PLAAT1: variants seen among roughly 807,000 people sequenced by gnomAD.
PLAAT1 encodes the protein phospholipase A and acyltransferase 1.
Under a neutral mutation model 16.4 loss-of-function variants are expected in PLAAT1, and 13 were observed. The observed-to-expected ratio is 0.79, with a 90% CI of 0.52 to 1.26. The LOEUF is 1.26. PLAAT1 is among the 50% of genes most tolerant of loss of function. PLAAT1 has a pLI of 0.00. For missense variants in PLAAT1, 218 were observed against 207.8 expected, an observed-to-expected ratio of 1.05 and a Z score of -0.30; for synonymous variants, 73 against 78.4, an observed-to-expected ratio of 0.93 and a Z score of 0.36.
upstream of PLAAT1, chr3:193,241,076 C>T: frequency 1.6e-6 from 1 of 610,538 alleles, no homozygotes; most frequent in Non-Finnish European, 2.3e-6. Flanking sequence ...TGCGTGCGCG[C>T]GCGGAGGCGG....
chr3:193,273,187 A>T (rs1424734605), downstream of PLAAT1, among the ~76,000 whole-genome samples: 1 of 152,208 alleles, frequency 6.6e-6, no homozygotes, highest in Non-Finnish European at 1.5e-5. Context: ...TTTCATTCTA[A>T]AAGTCAAATT....
At chr3:193,268,183 G>T (rs1456650351) in intron 3 of PLAAT1, among the ~76,000 whole-genome samples, 1 of 151,960 alleles carries the variant, frequency 6.6e-6, no homozygotes, top group African/African-American at 2.4e-5. Flanking sequence ...TACTCTCATA[G>T]ACCAAATTAT....
chr3:193,241,186 GCCCCGC>G (rs2108772055), upstream of PLAAT1: 1 of 1,218,988 alleles, frequency 8.2e-7, no homozygotes, highest in East Asian at 3.3e-5. Flanking sequence ...GAGCGACTGT[GCCCCGC>G]CTCCTGGGCG....
At chr3:193,242,579 G>A (rs1437249249) in intron 1 of PLAAT1, among the ~76,000 whole-genome samples, 1 of 152,194 alleles carries the variant, frequency 6.6e-6, no homozygotes, top group East Asian at 1.9e-4. Flanking sequence ...AAGGATGCCA[G>A]GATTCTAGGG....
intron 3 of PLAAT1, among the ~76,000 whole-genome samples, chr3:193,267,861 GC>G (rs1716833863): frequency 6.6e-6 from 1 of 152,130 alleles, no homozygotes; most frequent in East Asian, 1.9e-4. Context: ...CCACATCCTT[GC>G]CAGCATTTGA....
intron 3 of PLAAT1, among the ~76,000 whole-genome samples, chr3:193,265,258 G>A (rs1716738589): frequency 6.6e-6 from 1 of 152,126 alleles, no homozygotes; most frequent in African/African-American, 2.4e-5. Flanking sequence ...ATGGGCAATG[G>A]ATAGACAAAA....
chr3:193,256,556 A>G (rs1189098692), intron 2 of PLAAT1, among the ~76,000 whole-genome samples: 1 of 152,220 alleles, frequency 6.6e-6, no homozygotes, highest in African/African-American at 2.4e-5. Flanking sequence ...AAAAATTTCA[A>G]CTTTCTGGCC....
intron 1 of PLAAT1, among the ~76,000 whole-genome samples, chr3:193,251,104 A>G (rs533449987): frequency 6.6e-6 from 1 of 152,260 alleles, no homozygotes; most frequent in South Asian, 2.1e-4. Flanking sequence ...CACAGAAGCA[A>G]GCCAGGGAAA....
At chr3:193,262,276 C>T (rs762971173) in intron 2 of PLAAT1, among the ~76,000 whole-genome samples, 1 of 151,342 alleles carries the variant, frequency 6.6e-6, no homozygotes, top group Non-Finnish European at 1.5e-5. Flanking sequence ...GGGTAGGTCA[C>T]TGCCTGGGGC....
At chr3:193,252,843 C>T (rs1716240974) in intron 1 of PLAAT1, among the ~76,000 whole-genome samples, 1 of 152,030 alleles carries the variant, frequency 6.6e-6, no homozygotes, top group African/African-American at 2.4e-5. Context: ...GTTAAACTAC[C>T]TGCCTGGTTT....
intron 2 of PLAAT1, 62 bp from the exon 3 acceptor site, chr3:193,262,908 A>G (rs902764849): frequency 2.0e-6 from 3 of 1,528,014 alleles, no homozygotes; most frequent in African/African-American, 1.4e-5. Flanking sequence ...AAGTCTTTAG[A>G]TGGCAGTAGA....
chr3:193,264,177 G>T (rs1287736535), intron 3 of PLAAT1, among the ~76,000 whole-genome samples: 1 of 152,106 alleles, frequency 6.6e-6, no homozygotes, highest in Non-Finnish European at 1.5e-5. Flanking sequence ...TTTTGAAATG[G>T]TGGATCAGTT....
chr3:193,269,734 A>G (rs1400618457), intron 3 of PLAAT1, among the ~76,000 whole-genome samples: 2 of 152,222 alleles, frequency 1.3e-5, no homozygotes, highest in Admixed American at 1.3e-4. Context: ...AAGTGTCCGA[A>G]TGTGACCTTT....
At chr3:193,268,228 A>C (rs1327453366) in intron 3 of PLAAT1, among the ~76,000 whole-genome samples, 1 of 151,992 alleles carries the variant, frequency 6.6e-6, no homozygotes, top group Non-Finnish European at 1.5e-5. Flanking sequence ...GATGGCCCAC[A>C]CTCTTCAGTA....
At chr3:193,279,483 A>G (rs758491234), downstream of PLAAT1, 2 of 1,572,176 alleles carry the variant, frequency 1.3e-6, no homozygotes, top group Non-Finnish European at 1.7e-6. Context: ...TTATTTTTAG[A>G]TGTTAAAAGA....
At chr3:193,267,680 C>G (rs115155111) in intron 3 of PLAAT1, among the ~76,000 whole-genome samples, 1 of 152,114 alleles carries the variant, frequency 6.6e-6, no homozygotes, top group Admixed American at 6.6e-5. Flanking sequence ...CCTCCATGTG[C>G]AGGTTTTTAT....
intron 1 of PLAAT1, among the ~76,000 whole-genome samples, chr3:193,250,740 C>G (rs535730676): frequency 1.3e-5 from 2 of 152,246 alleles, no homozygotes; most frequent in East Asian, 3.9e-4. Flanking sequence ...GGAGAAACTT[C>G]TGGTCTAGAG....
intron 1 of PLAAT1, among the ~76,000 whole-genome samples, chr3:193,254,596 T>A (rs1350974961): frequency 6.6e-6 from 1 of 152,160 alleles, no homozygotes; most frequent in Non-Finnish European, 1.5e-5. Flanking sequence ...GTCAGATACT[T>A]ATGTATTCTT....
intron 2 of PLAAT1, among the ~76,000 whole-genome samples, chr3:193,261,239 G>A (rs1461139609): frequency 1.3e-5 from 2 of 151,962 alleles, no homozygotes; most frequent in Non-Finnish European, 2.9e-5. Context: ...GTGGTGGCAG[G>A]CACCTGCAAT....
Sources: allele counts gnomAD v4.1 joint callset (sites outside exome capture counted in the v4.1 genomes callset), GRCh38; gene constraint gnomAD v4.1.1; transcripts MANE v1.5; gene names NCBI Gene and HGNC (gene_info 2026-07-23, HGNC 2026-07-21).